The following KPRP variants were observed in gnomAD, a reference collection of about 807,000 sequenced individuals.
KPRP encodes keratinocyte proline rich protein.
For missense variants in KPRP, 820 were observed against 746.4 expected (o/e 1.10, Z -1.15); for synonymous variants, 282 against 276.9 (o/e 1.02, Z -0.18).
chr1:152,761,548 C>T lies in KPRP; in HGVS notation c.*220C>T, dbSNP rs1651132619. 5 of 776,530 alleles carry T rather than the reference C, an allele frequency of 6.4e-6. No individual in the cohort carries two copies. In the East Asian group the frequency reaches 1.3e-4, roughly 21 times the overall value. 48.1% of individuals were successfully genotyped at this position (776,530 alleles called of 1,614,324 possible). On this transcript the variant is annotated 3_prime_UTR_variant, in exon 1 of 1. Transcript: ENST00000606109. The stretch of plus-strand genomic sequence containing the variant: ...GTGTCACTCCTCGCCCGTACGCATC[C>T]TCGGCTCTAGCCAGACCAGTCTGGC...
At chr1:152,760,083 T>C (rs774708935) in exon 1 of KPRP, 13 of 1,614,082 alleles carry the variant, frequency 8.1e-6, no homozygotes, top group Non-Finnish European at 2.5e-6. Context: ...TCCAGATGTA[T>C]AGAGGGCGTC....
At chr1:152,761,461 A>G in exon 1 of KPRP, 1 of 1,440,160 alleles carries the variant, frequency 6.9e-7, no homozygotes, top group East Asian at 2.5e-5. Context: ...GGTGATGTCC[A>G]AACTCCTTTG....
exon 1 of KPRP, chr1:152,759,970 G>T: frequency 1.2e-6 from 2 of 1,614,208 alleles, no homozygotes; most frequent in South Asian, 2.2e-5. Flanking sequence ...GTCACAACCT[G>T]TTCAGACTTG....
At chr1:152,760,829 T>C (rs753666114) in exon 1 of KPRP, 2 of 1,614,118 alleles carry the variant, frequency 1.2e-6, no homozygotes, top group East Asian at 2.2e-5. Flanking sequence ...GAACCATGCA[T>C]AAGTCTAGAA....
chr1:152,761,520 C>T, exon 1 of KPRP: 1 of 1,078,452 alleles, frequency 9.3e-7, no homozygotes, highest in Admixed American at 3.0e-5. Context: ...TCTCCAGCCT[C>T]ACGTGTCACT....
exon 1 of KPRP, chr1:152,760,133 G>T (rs1173120337): frequency 1.2e-6 from 2 of 1,614,162 alleles, no homozygotes; most frequent in African/African-American, 1.3e-5. Context: ...TCCACCCAGT[G>T]CCAGTATCAA....
In KPRP at chr1:152,759,838, C is replaced by T; in HGVS notation, c.250C>T (p.Gln84Ter). ...GTCTAAGACCAAGCAGGTGAAGGGC[C>T]AGGCTCAATGTCAGTCTAAGACCAC... The change falls in exon 1 of 1, where the codon CAG (glutamine) becomes TAG (stop). Residue 84 changes from glutamine (Q) to a stop codon, truncating the protein, a stop_gained. Transcript: ENST00000606109. LOFTEE classifies it low-confidence loss of function (END_TRUNC). 1 of 1,614,036 alleles carries T rather than the reference C, an allele frequency of 6.2e-7. No homozygotes were observed.
exon 1 of KPRP, chr1:152,760,967 C>T (rs1651105052): frequency 1.2e-6 from 2 of 1,612,122 alleles, no homozygotes; most frequent in South Asian, 2.2e-5. Context: ...ATTCCAGAGC[C>T]ACGTCCATGC....
chr1:152,760,884 G>C (rs1372212415), exon 1 of KPRP: 1 of 1,614,158 alleles, frequency 6.2e-7, no homozygotes, highest in South Asian at 1.1e-5. Flanking sequence ...AACCTTGTTT[G>C]TATCCAGAAC....
At chr1:152,761,202 G>T (rs1428271028) in exon 1 of KPRP, 5 of 1,614,200 alleles carry the variant, frequency 3.1e-6, no homozygotes, top group African/African-American at 1.3e-5. Context: ...ACAACCAGGG[G>T]CAAGAGAGTG....
At chr1:152,760,713 G>A in exon 1 of KPRP, 1 of 1,613,924 alleles carries the variant, frequency 6.2e-7, no homozygotes, top group Non-Finnish European at 8.5e-7. Context: ...CACACGTAGA[G>A]CCACGTCCAC....
exon 1 of KPRP, chr1:152,759,795 C>T (rs747096930): frequency 2.5e-6 from 4 of 1,613,864 alleles, no homozygotes; most frequent in African/African-American, 2.7e-5. Flanking sequence ...AGTCTCAGAC[C>T]ACACAGGTGA....
At chr1:152,761,182 C>T in exon 1 of KPRP, 3 of 1,614,168 alleles carry the variant, frequency 1.9e-6, no homozygotes, top group Non-Finnish European at 2.5e-6. Flanking sequence ...CTACTGTGGC[C>T]CATCCAGTTA....
At chr1:152,760,841 C>T (rs1026768286) in exon 1 of KPRP, 4 of 1,614,152 alleles carry the variant, frequency 2.5e-6, no homozygotes, top group Non-Finnish European at 3.4e-6. Flanking sequence ...AGTCTAGAAC[C>T]ACGCCCGCGT....
chr1:152,759,630 A>T (rs17612167), exon 1 of KPRP: 361,160 of 1,613,868 alleles, frequency 0.22, 43,032 homozygotes, highest in South Asian at 0.33. Flanking sequence ...TGCCGCTCCA[A>T]CAGTGCTGCG....
At chr1:152,760,266 A>G (rs746422525) in exon 1 of KPRP, 1 of 1,614,006 alleles carries the variant, frequency 6.2e-7, no homozygotes, top group Non-Finnish European at 8.5e-7. Context: ...CCCGGACTTC[A>G]TTTAGTCCCT....
At chr1:152,761,410 T>C (rs1258011603) in exon 1 of KPRP, 14 of 1,504,854 alleles carry the variant, frequency 9.3e-6, no homozygotes, top group Non-Finnish European at 1.2e-5. Context: ...ACGCTCTTGT[T>C]TGAATCTCTC....
chr1:152,761,049 C>T (rs747269857), exon 1 of KPRP: 4 of 1,613,832 alleles, frequency 2.5e-6, no homozygotes, highest in South Asian at 1.1e-5. Flanking sequence ...CCTGCCCAAG[C>T]CCGGAGCCCT....
exon 1 of KPRP, chr1:152,761,748 A>T (rs564293443): frequency 5.3e-6 from 1 of 188,730 alleles, no homozygotes; most frequent in East Asian, 1.6e-4. Flanking sequence ...GTTCCCACTC[A>T]CAAGAACCTG....
Sources: gnomAD v4.1 joint callset for allele counts on GRCh38, gnomAD v4.1.1 for gene constraint, MANE v1.5 for transcripts, NCBI Gene and HGNC (gene_info 2026-07-23, HGNC 2026-07-21) for gene names.